The following CNGB3 variants were observed in gnomAD, a reference collection of about 807,000 sequenced individuals.
CNGB3 encodes cyclic nucleotide-gated channel beta-3.
Under a neutral mutation model 92.8 loss-of-function variants are expected in CNGB3, and 86 were observed. The observed-to-expected ratio is 0.93, with a 90% CI of 0.78 to 1.11. The LOEUF (loss-of-function observed/expected upper bound fraction) is 1.11, where lower values mean the gene tolerates loss of function less well. Ranked by LOEUF, CNGB3 falls within the 50% of genes least tolerant of loss-of-function variation. The pLI, the probability that CNGB3 is intolerant of heterozygous loss-of-function variation, is 0.00. For synonymous variants in CNGB3, 333 were observed against 332.7 expected, an observed-to-expected ratio of 1.00 and a Z score of -0.01; for missense variants, 1,026 against 956.8, an observed-to-expected ratio of 1.07 and a Z score of -0.95.
At chr8:86,676,888 G>T (rs943819819) in intron 3 of CNGB3, among the ~76,000 whole-genome samples, 5 of 152,090 alleles carry the variant, frequency 3.3e-5, no homozygotes, top group Non-Finnish European at 5.9e-5. Context: ...TCCTATTTTT[G>T]CATCTGCTCA....
chr8:86,715,970 TATA>T (rs1219490726), intron 3 of CNGB3, among the ~76,000 whole-genome samples: 2 of 151,688 alleles, frequency 1.3e-5, no homozygotes, highest in African/African-American at 4.8e-5. Flanking sequence ...AAACTTAAAG[TATA>T]ATAATAATAA....
intron 14 of CNGB3, among the ~76,000 whole-genome samples, chr8:86,609,534 A>G (rs1438831894): frequency 6.6e-6 from 1 of 152,140 alleles, no homozygotes; most frequent in African/African-American, 2.4e-5. Context: ...CTCTTCAAAC[A>G]CTAGAGCTCT....
intron 7 of CNGB3, among the ~76,000 whole-genome samples, chr8:86,651,231 A>C (rs1823397343): frequency 5.9e-5 from 9 of 151,700 alleles, no homozygotes; most frequent in Admixed American, 5.3e-4. Context: ...TGATGGGTGC[A>C]CTGAAATCTC....
intron 15 of CNGB3, among the ~76,000 whole-genome samples, chr8:86,587,678 T>C (rs1325674006): frequency 2.6e-5 from 4 of 151,222 alleles, no homozygotes; most frequent in African/African-American, 9.7e-5. Flanking sequence ...GAGGGCTCTG[T>C]TCTGTTCCAT....
rs770786127 is a variant in CNGB3 at position 86,632,865 on chromosome 8, G to T, written c.1207C>A (p.Arg403=). The T allele has an allele frequency of 6.2e-7, 1 of 1,612,542 alleles. No individual in the cohort carries two copies. Among genetic ancestry groups the T allele is most frequent in the Non-Finnish European group, 8.5e-7 (1 of 1,179,770 alleles). ...AGGCCACCAATGGTAATTAAAGTTCGAACTGCCCAATAATAACATCTCAGA... is the reference window on the plus strand; with the variant it reads ...AGGCCACCAATGGTAATTAAAGTTCTAACTGCCCAATAATAACATCTCAGA... ...EYLRCYYWAV[R]TLITIGGLPE... The change falls in exon 11 of 18, where the codon CGA becomes AGA. Residue 403 remains arginine, a synonymous_variant. Transcript: ENST00000320005.
intron 3 of CNGB3, among the ~76,000 whole-genome samples, chr8:86,704,877 A>G (rs1824622985): frequency 6.6e-6 from 1 of 152,050 alleles, no homozygotes; most frequent in African/African-American, 2.4e-5. Flanking sequence ...AATACCGTCT[A>G]TTTTTTTCTT....
At chr8:86,667,254 C>G (rs573398874) in intron 5 of CNGB3, 121 bp from the exon 6 acceptor site, 2 of 808,632 alleles carry the variant, frequency 2.5e-6, no homozygotes, top group Non-Finnish European at 4.2e-6. Context: ...ATAGGAGGCT[C>G]TATTAAACAT....
rs1326276997 is a variant in CNGB3 at position 86,647,659 on chromosome 8, G to A, written c.990+142C>T. ...AAAAAAAATTATAGCATTGATGAGGGCAGAAAGATGGAGAAGAGTTTGGGA... is the reference window on the plus strand; with the variant it reads ...AAAAAAAATTATAGCATTGATGAGGACAGAAAGATGGAGAAGAGTTTGGGA... On this transcript the variant is annotated intron_variant, in intron 8 of 17. Transcript: ENST00000320005. 5.0e-6 allele frequency: 3 copies of A among 603,858 alleles called. No individual in the cohort carries two copies. In the East Asian group the frequency reaches 8.6e-5, roughly 17 times the overall value. 37.4% of individuals were successfully genotyped at this position (603,858 alleles called of 1,614,324 possible).
chr8:86,730,969 A>C (rs1307475451), intron 2 of CNGB3, among the ~76,000 whole-genome samples: 1 of 152,210 alleles, frequency 6.6e-6, no homozygotes, highest in Non-Finnish European at 1.5e-5. Context: ...AGGACTCAGA[A>C]GGGATGAGAG....
chr8:86,719,955 C>T (rs998566788), intron 3 of CNGB3, among the ~76,000 whole-genome samples: 6 of 152,024 alleles, frequency 3.9e-5, no homozygotes, highest in South Asian at 2.1e-4. Flanking sequence ...TGTAGAAGAA[C>T]GAAACTGGAT....
At position 86,629,082 on chromosome 8, in the gene CNGB3, A is replaced by T. The variant is rs1427738377; in HGVS notation, c.1321-4T>A. The T allele has an allele frequency of 6.2e-7, 1 of 1,613,966 alleles. No individual in the cohort carries two copies. Among genetic ancestry groups the T allele is most frequent in the South Asian group, 1.1e-5 (1 of 91,086 alleles). ...CTGCTCCAATCACATCTCTCATCTA[A>T]AACCACAAATATGGTCACTCCACGC... is the stretch of plus-strand genomic sequence containing the variant. On this transcript the variant is annotated splice_polypyrimidine_tract_variant and splice_region_variant and intron_variant, in intron 11 of 17. Coordinates refer to ENST00000320005, the MANE Select transcript of CNGB3 (RefSeq NM_019098.5).
intron 1 of CNGB3, among the ~76,000 whole-genome samples, chr8:86,742,942 G>A (rs1162169305): frequency 2.0e-5 from 3 of 152,064 alleles, no homozygotes; most frequent in South Asian, 4.2e-4. Flanking sequence ...ATAATTCTAC[G>A]TTGTGGAGGG....
intron 15 of CNGB3, among the ~76,000 whole-genome samples, chr8:86,598,646 TC>T (rs1378089071): frequency 6.6e-6 from 1 of 152,150 alleles, no homozygotes; most frequent in East Asian, 1.9e-4. Context: ...TCTTGCCTCT[TC>T]CAGCTTCTAG....
chr8:86,677,347 G>A (rs1415996501), intron 3 of CNGB3, among the ~76,000 whole-genome samples: 1 of 152,186 alleles, frequency 6.6e-6, no homozygotes, highest in Non-Finnish European at 1.5e-5. Flanking sequence ...AAGAGAAATA[G>A]CAATACATTC....
At chr8:86,676,557 G>T (rs959635255) in intron 3 of CNGB3, among the ~76,000 whole-genome samples, 1 of 152,104 alleles carries the variant, frequency 6.6e-6, no homozygotes, top group African/African-American at 2.4e-5. Context: ...AAAAAAGAAA[G>T]AAGATAATTA....
intron 13 of CNGB3, among the ~76,000 whole-genome samples, chr8:86,621,793 G>C (rs1822734274): frequency 1.3e-5 from 2 of 152,172 alleles, no homozygotes; most frequent in South Asian, 4.1e-4. Flanking sequence ...AGCCAGGCGT[G>C]GTGGCTCACG....
intron 3 of CNGB3, among the ~76,000 whole-genome samples, chr8:86,697,408 T>G (rs372449648): frequency 1.2e-4 from 19 of 152,310 alleles, no homozygotes; most frequent in African/African-American, 4.1e-4. Context: ...TCATTAGAGA[T>G]CAAGTTAACA....
intron 8 of CNGB3, among the ~76,000 whole-genome samples, chr8:86,646,904 A>G (rs1403204472): frequency 1.3e-5 from 2 of 151,228 alleles, no homozygotes; most frequent in Non-Finnish European, 1.5e-5. Flanking sequence ...GTTCAAAAAC[A>G]ATATGAAATA....
intron 2 of CNGB3, among the ~76,000 whole-genome samples, chr8:86,732,263 G>A (rs1458542162): frequency 1.3e-5 from 2 of 152,170 alleles, no homozygotes; most frequent in Admixed American, 6.5e-5. Flanking sequence ...TTACATGCAG[G>A]AATGGTTACC....
Sources: allele counts gnomAD v4.1 joint callset (sites outside exome capture counted in the v4.1 genomes callset), GRCh38; gene constraint gnomAD v4.1.1; transcripts MANE v1.5; gene names NCBI Gene and HGNC (gene_info 2026-07-23, HGNC 2026-07-21).